Variants in NRF1 observed in about 807,000 individuals in gnomAD.
NRF1 encodes the protein alpha palindromic-binding protein.
Under a neutral mutation model 58.5 loss-of-function variants are expected in NRF1, and 5 were observed. That is an observed-to-expected ratio of 0.09 (90% CI 0.04 to 0.18). The LOEUF (loss-of-function observed/expected upper bound fraction) is 0.18, where lower values mean the gene tolerates loss of function less well. NRF1 is among the 10% of genes least tolerant of loss of function. The probability of loss-of-function intolerance (pLI) is 1.00; values close to 1 mark genes in which losing one functional copy is unlikely to be tolerated. For synonymous variants in NRF1, 224 were observed against 246.7 expected (o/e 0.91, Z 0.86); for missense variants, 288 against 657.7 (o/e 0.44, Z 6.15).
chr7:129,681,145 A>G (rs916945510), intron 4 of NRF1, among the ~76,000 whole-genome samples: 7 of 152,224 alleles, frequency 4.6e-5, no homozygotes, highest in African/African-American at 1.7e-4. Context: ...GTGTTGGTGG[A>G]AGCAAGAGGT....
At chr7:129,670,219 A>C (rs1802016083) in intron 2 of NRF1, among the ~76,000 whole-genome samples, 1 of 152,224 alleles carries the variant, frequency 6.6e-6, no homozygotes, top group African/African-American at 2.4e-5. Context: ...TCAGTGATGC[A>C]AGGGGAATAA....
chr7:129,701,800 A>G (rs1440102255), intron 5 of NRF1, among the ~76,000 whole-genome samples: 1 of 152,230 alleles, frequency 6.6e-6, no homozygotes, highest in Admixed American at 6.5e-5. Context: ...AACTGATTTC[A>G]TAAACTGTAA....
At chr7:129,652,650 G>T (rs1406182957) in intron 1 of NRF1, among the ~76,000 whole-genome samples, 1 of 152,162 alleles carries the variant, frequency 6.6e-6, no homozygotes, top group Non-Finnish European at 1.5e-5. Flanking sequence ...AGGCTGGAGT[G>T]CAGTGGCGCA....
chr7:129,616,775 TC>T lies in NRF1; in HGVS notation c.-7+4953del, dbSNP rs1469085541. On this transcript the variant is annotated intron_variant, in intron 1 of 10. Coordinates refer to ENST00000393232, the MANE Select transcript of NRF1 (RefSeq NM_005011.5). Reference sequence around the variant, plus strand: ...AATCACAACATAGTTTGTGTAAAACTCCAACTGCTACTGAACCATCAGATAA... The same window carrying T: ...AATCACAACATAGTTTGTGTAAAACTCAACTGCTACTGAACCATCAGATAA... Among the ~76,000 whole-genome samples, 90 of 152,138 alleles carry T rather than the reference TC, an allele frequency of 5.9e-4. 1 individual carries two copies. The highest frequency in any genetic ancestry group is 1.9e-3 in the African/African-American group (77 of 41,418).
intron 9 of NRF1, among the ~76,000 whole-genome samples, chr7:129,719,970 A>G (rs1374205429): frequency 6.6e-6 from 1 of 152,022 alleles, no homozygotes; most frequent in African/African-American, 2.4e-5. Context: ...TATGAGGCAC[A>G]TTTGGGCTCT....
At chr7:129,695,583 A>G (rs962903476) in intron 5 of NRF1, among the ~76,000 whole-genome samples, 3 of 151,180 alleles carry the variant, frequency 2.0e-5, no homozygotes, top group Admixed American at 6.6e-5. Context: ...CTCAAAAAAA[A>G]AAAAACAAAA....
chr7:129,640,148 A>C (rs977579635), intron 1 of NRF1, among the ~76,000 whole-genome samples: 12 of 152,138 alleles, frequency 7.9e-5, no homozygotes, highest in African/African-American at 2.9e-4. Flanking sequence ...GGAGCAGGAG[A>C]TGTATTAGAG....
chr7:129,674,261 T>G (rs1242805542), intron 3 of NRF1, among the ~76,000 whole-genome samples: 1 of 152,152 alleles, frequency 6.6e-6, no homozygotes, highest in African/African-American at 2.4e-5. Flanking sequence ...TAGGTATACC[T>G]CAGAGATATT....
intron 1 of NRF1, among the ~76,000 whole-genome samples, chr7:129,651,526 C>G (rs922744965): frequency 6.6e-6 from 1 of 152,038 alleles, no homozygotes; most frequent in African/African-American, 2.4e-5. Context: ...GCAGACAGCC[C>G]TATTGATTCA....
intron 5 of NRF1, among the ~76,000 whole-genome samples, chr7:129,705,216 A>G (rs912118590): frequency 1.3e-5 from 2 of 152,148 alleles, no homozygotes; most frequent in Admixed American, 1.3e-4. Context: ...TATATTTGCT[A>G]TTATTACTGT....
intron 4 of NRF1, among the ~76,000 whole-genome samples, chr7:129,687,526 T>C (rs1459318774): frequency 1.3e-5 from 2 of 152,200 alleles, no homozygotes; most frequent in African/African-American, 4.8e-5. Flanking sequence ...TCTGCCCGCC[T>C]CGGCCTCCCA....
chr7:129,690,189 A>G (rs1802531660), intron 4 of NRF1, among the ~76,000 whole-genome samples: 1 of 152,076 alleles, frequency 6.6e-6, no homozygotes, highest in Admixed American at 6.5e-5. Flanking sequence ...GCTCTCTTCT[A>G]TTGTTGTTAC....
At chr7:129,732,484 A>T (rs1296329557) in intron 10 of NRF1, among the ~76,000 whole-genome samples, 1 of 152,240 alleles carries the variant, frequency 6.6e-6, no homozygotes, top group Admixed American at 6.5e-5. Flanking sequence ...CTAAGAAAGC[A>T]TCAGCATTTT....
chr7:129,665,996 GAGAA>G (rs1229768020), intron 2 of NRF1, among the ~76,000 whole-genome samples: 3 of 152,166 alleles, frequency 2.0e-5, no homozygotes, highest in Admixed American at 2.0e-4. Context: ...TAAAGAAGTG[GAGAA>G]AGATTCACGT....
rs1201147727 is a variant in NRF1 at position 129,717,311 on chromosome 7, A to T, written c.1158A>T (p.Ala386=). The change falls in exon 9 of 11, where the codon GCA becomes GCT. Residue 386 remains alanine, a synonymous_variant. Coordinates refer to ENST00000393232, the MANE Select transcript of NRF1 (RefSeq NM_005011.5). ...CCACCCAGGCGGTGGCATCGTTGGC[A>T]GAGGCCGCAGTGGCAGCTTCTCAGG... The part of the protein sequence containing the change: ...SEATQAVASL[A]EAAVAASQEM... The T allele has an allele frequency of 1.2e-6, 2 of 1,614,148 alleles. No homozygotes were observed. The highest frequency in any genetic ancestry group is 1.1e-5 in the South Asian group (1 of 91,070).
chr7:129,705,639 A>G (rs1802931275), intron 5 of NRF1, among the ~76,000 whole-genome samples: 1 of 151,992 alleles, frequency 6.6e-6, no homozygotes, highest in Non-Finnish European at 1.5e-5. Flanking sequence ...AGTGAGTCTG[A>G]GTGCACTGAC....
chr7:129,617,294 G>A (rs1358670116), intron 1 of NRF1, among the ~76,000 whole-genome samples: 1 of 152,154 alleles, frequency 6.6e-6, no homozygotes, highest in Non-Finnish European at 1.5e-5. Context: ...TTAAGAGTCC[G>A]TTTTGTTGCT....
chr7:129,673,673 C>A (rs1215261829), intron 3 of NRF1, among the ~76,000 whole-genome samples: 12 of 142,612 alleles, frequency 8.4e-5, no homozygotes, highest in African/African-American at 2.6e-5. Context: ...GCGGAGATCG[C>A]GCCACAGCAC....
chr7:129,662,180 C>A (rs1441094867), intron 2 of NRF1, among the ~76,000 whole-genome samples: 1 of 152,012 alleles, frequency 6.6e-6, no homozygotes, highest in African/African-American at 2.4e-5. Context: ...GAGTACAATT[C>A]AAGATGAGAT....
Sources: gnomAD v4.1 joint callset for allele counts (sites outside exome capture counted in the v4.1 genomes callset) on GRCh38, gnomAD v4.1.1 for gene constraint, MANE v1.5 for transcripts, NCBI Gene and HGNC (gene_info 2026-07-23, HGNC 2026-07-21) for gene names.